The following CYP2C8 variants were observed in gnomAD, a reference collection of about 807,000 sequenced individuals.
CYP2C8 encodes cytochrome P450 family 2 subfamily C member 8.
CYP2C8 carries 51 observed loss-of-function variants against 41.3 expected under a neutral mutation model. That is an observed-to-expected ratio of 1.24 (90% CI 0.99 to 1.56). The LOEUF (loss-of-function observed/expected upper bound fraction) is 1.56, where lower values mean the gene tolerates loss of function less well. CYP2C8 is among the 40% of genes most tolerant of loss of function. The pLI, the probability that CYP2C8 is intolerant of heterozygous loss-of-function variation, is 0.00. For synonymous variants in CYP2C8, 218 were observed against 205.8 expected, an observed-to-expected ratio of 1.06 and a Z score of -0.51; for missense variants, 651 against 579.9, an observed-to-expected ratio of 1.12 and a Z score of -1.26.
intron 7 of CYP2C8, among the ~76,000 whole-genome samples, chr10:95,040,699 A>G (rs2032976595): frequency 6.6e-6 from 1 of 152,240 alleles, no homozygotes; most frequent in Admixed American, 6.5e-5. Flanking sequence ...ATTCTGAATC[A>G]GGACAGGAGG....
chr10:95,066,137 A>AGTGTGT (rs1233648601), intron 3 of CYP2C8, among the ~76,000 whole-genome samples: 1 of 109,476 alleles, frequency 9.1e-6, no homozygotes, highest in African/African-American at 3.8e-5. Context: ...AGAGAGAGAG[A>AGTGTGT]GAGAGAGAGA....
rs2033637333 is a variant in CYP2C8 at position 95,069,482 on chromosome 10, T to C, written c.-80A>G. On this transcript the variant is annotated 5_prime_UTR_variant, in exon 1 of 9. Coordinates refer to ENST00000371270, the MANE Select transcript of CYP2C8 (RefSeq NM_000770.3). ...TAACACTCCCTGCTAATTTAGTGTG[T>C]GTCTCTTTGACATGTAAAGTAAACA... is the stretch of plus-strand genomic sequence containing the variant. The C allele has an allele frequency of 1.7e-6, 2 of 1,169,592 alleles. No homozygotes were observed. The highest frequency in any genetic ancestry group is 2.6e-5 in the South Asian group (2 of 77,978). 72.5% of individuals were successfully genotyped at this position (1,169,592 alleles called of 1,614,324 possible).
chr10:95,045,260 C>T (rs2033084338), intron 6 of CYP2C8, among the ~76,000 whole-genome samples: 1 of 152,168 alleles, frequency 6.6e-6, no homozygotes, highest in Non-Finnish European at 1.5e-5. Flanking sequence ...GAAACACACT[C>T]CTAGAATAAT....
chr10:95,044,120 C>T lies in CYP2C8; in HGVS notation c.962-1043G>A, dbSNP rs11572162. ...TAGGAGCACAGCAGCCTCTCTGACACTCTCATTCTCTTACATGAGGTCTCC... is the reference window on the plus strand; with the variant it reads ...TAGGAGCACAGCAGCCTCTCTGACATTCTCATTCTCTTACATGAGGTCTCC... On this transcript the variant is annotated intron_variant, in intron 6 of 8. Transcript: ENST00000371270. Among the ~76,000 whole-genome samples the T allele has an allele frequency of 5.2e-3, 792 of 152,278 alleles. 25 individuals carry two copies. In the East Asian group the frequency reaches 0.099, roughly 19 times the overall value.
In CYP2C8 at chr10:95,067,602, G is replaced by T; in HGVS notation, c.258C>A (p.Ala86=). ...VFHGYEAVKE[A]LIDNGEEFSG... Reference sequence around the variant, plus strand: ...AAAACTCCTCTCCATTATCAATCAGGGCTTCCTTCACTGCCTCATATCCAT... The same window carrying T: ...AAAACTCCTCTCCATTATCAATCAGTGCTTCCTTCACTGCCTCATATCCAT... Residue 86 remains alanine (A), a synonymous_variant, in exon 2 of 9, where the codon GCC becomes GCA. Coordinates refer to ENST00000371270, the MANE Select transcript of CYP2C8 (RefSeq NM_000770.3). The T allele has an allele frequency of 6.2e-7, 1 of 1,614,066 alleles. No individual in the cohort carries two copies. Among genetic ancestry groups the T allele is most frequent in the Non-Finnish European group, 8.5e-7 (1 of 1,180,006 alleles).
intron 5 of CYP2C8, 78 bp downstream of exon 5, chr10:95,058,257 T>C (rs2033348788): frequency 6.3e-7 from 1 of 1,593,252 alleles, no homozygotes; most frequent in African/African-American, 1.3e-5. Flanking sequence ...TTAAACATCC[T>C]TAGTAAATTA....
intron 5 of CYP2C8, among the ~76,000 whole-genome samples, chr10:95,046,293 A>G (rs934547892): frequency 6.6e-6 from 1 of 152,230 alleles, no homozygotes; most frequent in African/African-American, 2.4e-5. Flanking sequence ...TAATTTATAA[A>G]GAAAAGAAAT....
At chr10:95,066,153 A>AGAGAGAGAGAGAGAGAGAGTGTGT (rs1342809282) in intron 3 of CYP2C8, among the ~76,000 whole-genome samples, 1 of 88,286 alleles carries the variant, frequency 1.1e-5, no homozygotes, top group African/African-American at 4.5e-5. Flanking sequence ...AGAGAGAGAG[A>AGAGAGAGAGAGAGAGAGAGTGTGT]GTGTGTGTGT....
Position 95,064,975 on chromosome 10 carries a change from AT to A in CYP2C8, c.482-16del. 1 of 1,447,238 alleles carries A rather than the reference AT, an allele frequency of 6.9e-7. No individual in the cohort carries two copies. Among genetic ancestry groups the A allele is most frequent in the Non-Finnish European group, 9.1e-7 (1 of 1,097,532 alleles). The allele number at this position is 1,447,238 out of a possible 1,614,324, so 89.6% of individuals were successfully genotyped here. ...ACAGGGTGAAGCTAAAGATTTAAAA[AT>A]TTTTAAAAAAATTATTAAAAAATAA... is the stretch of plus-strand genomic sequence containing the variant. On this transcript the variant is annotated splice_polypyrimidine_tract_variant and intron_variant, in intron 3 of 8. Transcript: ENST00000371270.
At chr10:95,050,331 G>A (rs140269278) in intron 5 of CYP2C8, among the ~76,000 whole-genome samples, 1 of 152,254 alleles carries the variant, frequency 6.6e-6, no homozygotes, top group African/African-American at 2.4e-5. Context: ...ACATGCCTGG[G>A]TACTGGAAGA....
At chr10:95,062,690 T>C (rs1288998125) in intron 4 of CYP2C8, among the ~76,000 whole-genome samples, 1 of 152,210 alleles carries the variant, frequency 6.6e-6, no homozygotes, top group Non-Finnish European at 1.5e-5. Flanking sequence ...ATTATGATGT[T>C]AGCTGGTTAT....
chr10:95,040,298 A>T lies in CYP2C8; in HGVS notation c.1150-1260T>A, dbSNP rs112212404. 1.6e-4 allele frequency among the ~76,000 whole-genome samples: 25 copies of T among 152,284 alleles called. 2 individuals carry two copies. The highest frequency in any genetic ancestry group is 5.5e-4 in the African/African-American group (23 of 41,566). ...CCTCTTCTGGTTGTGTGCTTTGATG[A>T]AAACTGTGGATTGTAGTCCTAATCC... On this transcript the variant is annotated intron_variant, in intron 7 of 8. Transcript: ENST00000371270.
chr10:95,068,024 A>G (rs986318299), intron 1 of CYP2C8, among the ~76,000 whole-genome samples: 1 of 152,226 alleles, frequency 6.6e-6, no homozygotes, highest in African/African-American at 2.4e-5. Context: ...AGAGTCCCAC[A>G]GGTAATATGT....
chr10:95,057,947 G>A (rs1312128847), intron 5 of CYP2C8, among the ~76,000 whole-genome samples: 1 of 152,016 alleles, frequency 6.6e-6, no homozygotes, highest in Non-Finnish European at 1.5e-5. Flanking sequence ...CAATGTGCAG[G>A]GCATACAGGA....
At chr10:95,060,097 T>A (rs1373863650) in intron 4 of CYP2C8, among the ~76,000 whole-genome samples, 1 of 152,176 alleles carries the variant, frequency 6.6e-6, no homozygotes, top group African/African-American at 2.4e-5. Context: ...AGCTTTGTTC[T>A]TTTGGCTTAG....
chr10:95,040,868 G>T, intron 7 of CYP2C8: 2 of 455,604 alleles, frequency 4.4e-6, no homozygotes, highest in South Asian at 3.1e-5. Context: ...ACGAAGAAAA[G>T]TGGAAGGAAG....
intron 3 of CYP2C8, among the ~76,000 whole-genome samples, chr10:95,066,153 A>AGAGAGAGAGT (rs1342809282): frequency 0.025 from 2,174 of 88,168 alleles, 35 homozygotes; most frequent in Non-Finnish European, 0.034. Flanking sequence ...AGAGAGAGAG[A>AGAGAGAGAGT]GTGTGTGTGT....
Position 95,045,829 on chromosome 10 carries a change from C to T in CYP2C8, c.942G>A (p.Leu314=). 6.2e-7 allele frequency: 1 copy of T among 1,614,042 alleles called. No homozygotes were observed. Among genetic ancestry groups the T allele is most frequent in the South Asian group, 1.1e-5 (1 of 91,084 alleles). ...TTLRYGLLLL[L]KHPEVTAKVQ... ...TCCTACCTGTGACCTCTGGGTGCTT[C>T]AGCAGGAGCAGGAGTCCATATCTCA... Residue 314 remains leucine, a synonymous_variant, in exon 6 of 9, where the codon CTG becomes CTA. Transcript: ENST00000371270.
At chr10:95,067,808 A>G in intron 1 of CYP2C8, 117 bp from the exon 2 acceptor site, 1 of 1,098,844 alleles carries the variant, frequency 9.1e-7, no homozygotes, top group Non-Finnish European at 1.3e-6. Flanking sequence ...CCACACATAG[A>G]TTCGATATTT....
Sources: gnomAD v4.1 joint callset for allele counts (sites outside exome capture counted in the v4.1 genomes callset) on GRCh38, gnomAD v4.1.1 for gene constraint, MANE v1.5 for transcripts, NCBI Gene and HGNC (gene_info 2026-07-23, HGNC 2026-07-21) for gene names.